The following ATP8A2 variants were observed in gnomAD, a reference collection of about 807,000 sequenced individuals.
ATP8A2 encodes phospholipid-transporting ATPase IB.
Under a neutral mutation model 165.6 loss-of-function variants are expected in ATP8A2, and 100 were observed. That is an observed-to-expected ratio of 0.60 (90% CI 0.51 to 0.71). The LOEUF is 0.71. ATP8A2 is among the 30% of genes least tolerant of loss of function. The probability of loss-of-function intolerance (pLI) is 0.00; values close to 1 mark genes in which losing one functional copy is unlikely to be tolerated. For missense variants in ATP8A2, 1,227 were observed against 1,479.5 expected (o/e 0.83, Z 2.80); for synonymous variants, 543 against 548.8 (o/e 0.99, Z 0.15).
At chr13:25,795,847 G>A (rs1335089037) in intron 27 of ATP8A2, among the ~76,000 whole-genome samples, 1 of 151,990 alleles carries the variant, frequency 6.6e-6, no homozygotes, top group Non-Finnish European at 1.5e-5. Flanking sequence ...TCCTTAGAGA[G>A]AAGAACCATC....
chr13:25,715,525 A>G (rs1484615843), intron 25 of ATP8A2, among the ~76,000 whole-genome samples: 1 of 152,204 alleles, frequency 6.6e-6, no homozygotes, highest in African/African-American at 2.4e-5. Flanking sequence ...GCCCAAGGCA[A>G]CCACTTATTT....
At chr13:25,514,655 T>C (rs2037407208) in intron 2 of ATP8A2, among the ~76,000 whole-genome samples, 1 of 152,198 alleles carries the variant, frequency 6.6e-6, no homozygotes, top group South Asian at 2.1e-4. Context: ...TTCGAACTCT[T>C]TATAGTTTAT....
At chr13:25,505,207 G>A (rs371843323) in intron 2 of ATP8A2, among the ~76,000 whole-genome samples, 8 of 142,528 alleles carry the variant, frequency 5.6e-5, no homozygotes, top group Admixed American at 3.6e-4. Context: ...CGGGGCGGGG[G>A]GGGGTGGTGG....
At chr13:25,459,275 T>C (rs2035443092) in intron 1 of ATP8A2, among the ~76,000 whole-genome samples, 1 of 152,182 alleles carries the variant, frequency 6.6e-6, no homozygotes, top group South Asian at 2.1e-4. Flanking sequence ...GACATTTCCA[T>C]TTTTTCCCAG....
intron 25 of ATP8A2, among the ~76,000 whole-genome samples, chr13:25,715,178 G>A (rs1024491925): frequency 2.0e-5 from 3 of 152,154 alleles, no homozygotes; most frequent in African/African-American, 7.2e-5. Flanking sequence ...TGTGTTGGGA[G>A]TAGTGCAAGA....
intron 35 of ATP8A2, among the ~76,000 whole-genome samples, chr13:25,986,427 A>G (rs182012443): frequency 1.8e-4 from 28 of 152,224 alleles, no homozygotes; most frequent in South Asian, 8.3e-4. Context: ...TTGACTTTTT[A>G]TGGATTTCAC....
At chr13:25,827,416 A>G (rs1210091085) in intron 27 of ATP8A2, among the ~76,000 whole-genome samples, 1 of 152,154 alleles carries the variant, frequency 6.6e-6, no homozygotes. Context: ...CCGGTCTCTG[A>G]CAGTGTTTTA....
intron 33 of ATP8A2, among the ~76,000 whole-genome samples, chr13:25,882,913 GA>G (rs1483870271): frequency 2.0e-5 from 3 of 151,264 alleles, no homozygotes; most frequent in Admixed American, 6.6e-5. Flanking sequence ...TGATGATGAT[GA>G]TGATGATGAT....
At chr13:26,009,991 A>G (rs1480810987) in intron 35 of ATP8A2, among the ~76,000 whole-genome samples, 2 of 152,146 alleles carry the variant, frequency 1.3e-5, no homozygotes, top group East Asian at 3.9e-4. Context: ...GCTTGAACCT[A>G]GTAGGCAGAG....
At chr13:25,498,859 C>T (rs7334487) in intron 2 of ATP8A2, among the ~76,000 whole-genome samples, 3,512 of 152,118 alleles carry the variant, frequency 0.023, 145 homozygotes, top group African/African-American at 0.08. Flanking sequence ...CATGGCAGAC[C>T]CAGGAGTGCA....
intron 1 of ATP8A2, among the ~76,000 whole-genome samples, chr13:25,450,723 G>A (rs2138235149): frequency 6.6e-6 from 1 of 152,108 alleles, no homozygotes; most frequent in Admixed American, 6.5e-5. Flanking sequence ...AATAGAGACG[G>A]GGTTTCACCA....
At chr13:25,562,775 T>G (rs2039196902) in intron 15 of ATP8A2, among the ~76,000 whole-genome samples, 1 of 152,212 alleles carries the variant, frequency 6.6e-6, no homozygotes, top group African/African-American at 2.4e-5. Flanking sequence ...TCAGGACTAC[T>G]CTGGTTTAAT....
At chr13:25,574,134 T>C (rs1337833508) in intron 18 of ATP8A2, among the ~76,000 whole-genome samples, 1 of 152,200 alleles carries the variant, frequency 6.6e-6, no homozygotes, top group Admixed American at 6.5e-5. Flanking sequence ...ATGCGCACCA[T>C]CTGGAATTTT....
At chr13:25,526,181 T>G (rs1391486178) in intron 2 of ATP8A2, among the ~76,000 whole-genome samples, 2 of 152,096 alleles carry the variant, frequency 1.3e-5, no homozygotes, top group African/African-American at 4.8e-5. Flanking sequence ...GAAATTTCTC[T>G]GATACATTTT....
At chr13:25,566,748 A>G (rs143695748) in intron 16 of ATP8A2, among the ~76,000 whole-genome samples, 53 of 152,336 alleles carry the variant, frequency 3.5e-4, no homozygotes, top group East Asian at 1.4e-3. Context: ...TCATTTCACA[A>G]TCTATTTAAG....
intron 2 of ATP8A2, among the ~76,000 whole-genome samples, chr13:25,495,719 G>T (rs770236733): frequency 1.4e-5 from 2 of 147,404 alleles, no homozygotes. Context: ...CTCTTGCCTT[G>T]GCCTCTGAAA....
intron 33 of ATP8A2, among the ~76,000 whole-genome samples, chr13:25,880,095 C>T (rs555489287): frequency 3.3e-5 from 5 of 152,268 alleles, no homozygotes; most frequent in African/African-American, 1.2e-4. Context: ...GTGGCCTGTC[C>T]ATGGGGTACT....
intron 2 of ATP8A2, among the ~76,000 whole-genome samples, chr13:25,500,712 TGGGACCACAG>T (rs1392041695): frequency 2.0e-5 from 3 of 152,124 alleles, no homozygotes; most frequent in Non-Finnish European, 4.4e-5. Flanking sequence ...CCTGAGTAGC[TGGGACCACAG>T]GCATGCATCA....
intron 28 of ATP8A2, among the ~76,000 whole-genome samples, chr13:25,830,699 G>A (rs1190683076): frequency 6.6e-6 from 1 of 152,188 alleles, no homozygotes; most frequent in African/African-American, 2.4e-5. Flanking sequence ...CACCCAGATT[G>A]AACAGTAATT....
Sources: allele counts gnomAD v4.1 joint callset (sites outside exome capture counted in the v4.1 genomes callset), GRCh38; gene constraint gnomAD v4.1.1; transcripts MANE v1.5; gene names NCBI Gene and HGNC (gene_info 2026-07-23, HGNC 2026-07-21).